Variants in DNAH7 observed in about 807,000 individuals in gnomAD.
The protein encoded by DNAH7 is axonemal beta dynein heavy chain 7.
Under a neutral mutation model 444.6 loss-of-function variants are expected in DNAH7, and 397 were observed. The ratio of observed to expected loss-of-function variants is 0.89; its 90% CI spans 0.82 to 0.97. The LOEUF (loss-of-function observed/expected upper bound fraction) is 0.97. Ranked by LOEUF, DNAH7 falls within the 50% of genes least tolerant of loss-of-function variation. The pLI is 0.00. For synonymous variants in DNAH7, 1,636 were observed against 1,624.4 expected (o/e 1.01, Z -0.17); for missense variants, 4,902 against 4,800.8 (o/e 1.02, Z -0.62).
intron 48 of DNAH7, among the ~76,000 whole-genome samples, chr2:195,825,997 T>C (rs879466378): frequency 1.4e-4 from 22 of 152,228 alleles, no homozygotes; most frequent in Non-Finnish European, 2.6e-4. Flanking sequence ...CATAAAATGA[T>C]TATTTTTCAT....
chr2:195,909,982 C>T (rs781517908), intron 25 of DNAH7, 45 bp downstream of exon 25: 1 of 1,530,298 alleles, frequency 6.5e-7, no homozygotes, highest in South Asian at 1.2e-5. Context: ...ATAACCATCT[C>T]TGATCAGTTA....
At chr2:195,847,120 A>ATG (rs1179790756) in intron 46 of DNAH7, among the ~76,000 whole-genome samples, 6 of 146,818 alleles carry the variant, frequency 4.1e-5, no homozygotes, top group African/African-American at 1.5e-4. Context: ...GGGATATCGG[A>ATG]TATATATATA....
intron 15 of DNAH7, among the ~76,000 whole-genome samples, chr2:195,980,454 A>G (rs1692500570): frequency 6.6e-6 from 1 of 152,116 alleles, no homozygotes; most frequent in African/African-American, 2.4e-5. Context: ...TCTTCATATC[A>G]GCATGAGAAC....
intron 47 of DNAH7, among the ~76,000 whole-genome samples, chr2:195,835,405 AAAG>A (rs1391289454): frequency 6.6e-6 from 1 of 151,956 alleles, no homozygotes; most frequent in Non-Finnish European, 1.5e-5. Context: ...AAAAAATTGA[AAAG>A]AAAAAAAGGT....
intron 49 of DNAH7, among the ~76,000 whole-genome samples, chr2:195,822,646 G>T (rs1697526341): frequency 2.0e-5 from 3 of 152,082 alleles, no homozygotes; most frequent in South Asian, 4.1e-4. Context: ...ACACTCTAGG[G>T]ATCTTAAGGG....
chr2:195,845,807 T>C (rs1247119875), intron 46 of DNAH7, among the ~76,000 whole-genome samples: 1 of 152,228 alleles, frequency 6.6e-6, no homozygotes, highest in African/African-American at 2.4e-5. Flanking sequence ...GCTAGCCATA[T>C]GCAGAAGACT....
chr2:195,767,062 A>G (rs941442748), intron 61 of DNAH7, among the ~76,000 whole-genome samples: 1 of 151,840 alleles, frequency 6.6e-6, no homozygotes, highest in Admixed American at 6.6e-5. Flanking sequence ...TCTTTATTTT[A>G]TTATGCTTTT....
chr2:195,900,609 T>C, intron 27 of DNAH7, 115 bp from the exon 28 acceptor site: 4 of 966,368 alleles, frequency 4.1e-6, no homozygotes, highest in Non-Finnish European at 4.6e-6. Flanking sequence ...GTTTATCTCA[T>C]AGAAGTAGAG....
At chr2:196,061,820 G>A (rs1193071667) in intron 1 of DNAH7, among the ~76,000 whole-genome samples, 1 of 152,182 alleles carries the variant, frequency 6.6e-6, no homozygotes, top group Non-Finnish European at 1.5e-5. Flanking sequence ...CTATTCTGAT[G>A]TCCATTCTCT....
At chr2:195,978,979 G>A (rs557865849) in intron 15 of DNAH7, among the ~76,000 whole-genome samples, 2 of 151,984 alleles carry the variant, frequency 1.3e-5, no homozygotes, top group Admixed American at 1.3e-4. Context: ...AATAACTGGA[G>A]ACTTAAATAT....
At chr2:195,988,726 T>C (rs1693093801) in intron 12 of DNAH7, among the ~76,000 whole-genome samples, 1 of 152,112 alleles carries the variant, frequency 6.6e-6, no homozygotes, top group Non-Finnish European at 1.5e-5. Flanking sequence ...TTGAGATATA[T>C]AATGCATTAT....
Position 195,871,930 on chromosome 2 carries a change from CAAAAAAAAAAAAAAAAAAAAAAAAAA to C in DNAH7, c.6633+294_6633+319del, listed in dbSNP as rs553845281. 3.2e-4 allele frequency among the ~76,000 whole-genome samples: 8 copies of C among 24,744 alleles called. 1 individual carries two copies. The highest frequency in any genetic ancestry group is 1.2e-3 in the Non-Finnish European group (8 of 6,900). 16.2% of individuals were successfully genotyped at this position (24,744 alleles called of 152,430 possible). A position where few individuals can be genotyped will look rare whatever the true frequency, so the allele number is the denominator to read the frequency against. Reference sequence around the variant, plus strand: ...TGGGCGACAGAGCGAGACTCCGTCTCAAAAAAAAAAAAAAAAAAAAAAAAAAAAAAAAAAAAAAACTACTTAAGGGA... The same window carrying C: ...TGGGCGACAGAGCGAGACTCCGTCTCAAAAAAAAAAAAACTACTTAAGGGA... On this transcript the variant is annotated intron_variant, in intron 40 of 64. Coordinates refer to ENST00000312428, the MANE Select transcript of DNAH7 (RefSeq NM_018897.3).
intron 61 of DNAH7, among the ~76,000 whole-genome samples, chr2:195,771,279 G>T (rs1034802223): frequency 6.6e-6 from 1 of 152,086 alleles, no homozygotes; most frequent in Admixed American, 6.5e-5. Context: ...GTTCATGGCA[G>T]CAGTGAGCGG....
At chr2:195,778,010 C>A (rs139920775) in intron 58 of DNAH7, 25 bp from the exon 59 acceptor site, 23 of 1,567,806 alleles carry the variant, frequency 1.5e-5, no homozygotes, top group Non-Finnish European at 2.0e-5. Flanking sequence ...GTCAGTCAAC[C>A]AGTTATCAGT....
At chr2:195,937,369 T>G (rs1317191677) in intron 19 of DNAH7, among the ~76,000 whole-genome samples, 1 of 152,168 alleles carries the variant, frequency 6.6e-6, no homozygotes, top group Non-Finnish European at 1.5e-5. Context: ...CAAGGTGTGC[T>G]CTTCCTGAAC....
chr2:195,886,463 C>T (rs939225014), intron 33 of DNAH7, among the ~76,000 whole-genome samples, 191 bp from the exon 34 acceptor site: 1 of 152,094 alleles, frequency 6.6e-6, no homozygotes, highest in Non-Finnish European at 1.5e-5. Flanking sequence ...GTAGTGTGTA[C>T]TCTTTAACCT....
intron 46 of DNAH7, among the ~76,000 whole-genome samples, chr2:195,850,462 T>C (rs1314633064): frequency 1.3e-5 from 2 of 152,334 alleles, no homozygotes; most frequent in East Asian, 1.9e-4. Context: ...ATATTCATAA[T>C]AGCACTGTAG....
chr2:195,893,952 C>T (rs1270075303), intron 30 of DNAH7: 1 of 149,690 alleles, frequency 6.7e-6, no homozygotes, highest in Non-Finnish European at 1.5e-5. Context: ...AATAACAAAA[C>T]AGGAAAAATA....
intron 16 of DNAH7, among the ~76,000 whole-genome samples, chr2:195,971,037 T>A (rs912308871): frequency 6.6e-6 from 1 of 152,214 alleles, no homozygotes; most frequent in Non-Finnish European, 1.5e-5. Flanking sequence ...CTACTCATGA[T>A]GTTTTCTGCA....
Sources: allele counts gnomAD v4.1 joint callset (sites outside exome capture counted in the v4.1 genomes callset), GRCh38; gene constraint gnomAD v4.1.1; transcripts MANE v1.5; gene names NCBI Gene and HGNC (gene_info 2026-07-23, HGNC 2026-07-21).